Variants in THADA observed in about 807,000 individuals in gnomAD.
THADA encodes the protein THADA armadillo repeat containing.
In THADA, 213 loss-of-function variants were observed where a neutral mutation model predicts 219.8. The observed-to-expected ratio is 0.97, with a 90% confidence interval of 0.87 to 1.09. The LOEUF (loss-of-function observed/expected upper bound fraction) is 1.09. THADA is among the 50% of genes least tolerant of loss of function. The probability of loss-of-function intolerance (pLI) is 0.00; values close to 1 mark genes in which losing one functional copy is unlikely to be tolerated. For synonymous variants in THADA, 1,018 were observed against 828.9 expected (o/e 1.23, Z -3.92); for missense variants, 2,956 against 2,311.3 (o/e 1.28, Z -5.72).
At chr2:43,432,268 G>A (rs185435835) in intron 26 of THADA, among the ~76,000 whole-genome samples, 7 of 152,296 alleles carry the variant, frequency 4.6e-5, no homozygotes, top group African/African-American at 7.2e-5. Context: ...GGGATTACAG[G>A]CGTGAGCCAC....
In THADA at chr2:43,325,677, G is replaced by C. The variant is rs527734012; in HGVS notation, c.4344-5137C>G. On this transcript the variant is annotated intron_variant, in intron 30 of 37. Transcript: ENST00000405975. ...AATATAATCAGAGTGTATCAAAGTA[G>C]TGTAGTAAGGACAGAGGGCAGGAGA... Among the ~76,000 whole-genome samples the C allele has an allele frequency of 5.1e-4, 78 of 152,188 alleles. 1 individual carries two copies. Among genetic ancestry groups the C allele is most frequent in the African/African-American group, 1.6e-3 (65 of 41,530 alleles).
intron 29 of THADA, among the ~76,000 whole-genome samples, chr2:43,358,832 AT>A (rs549875863): frequency 2.6e-5 from 4 of 152,250 alleles, no homozygotes; most frequent in South Asian, 2.1e-4. Context: ...TAAAGATGGA[AT>A]TTTTTTCCCC....
chr2:43,336,495 C>T (rs1002645007), intron 30 of THADA, among the ~76,000 whole-genome samples: 2 of 152,060 alleles, frequency 1.3e-5, no homozygotes, highest in Admixed American at 6.5e-5. Context: ...TGGTCTTGAA[C>T]TCCTGACCTC....
chr2:43,400,484 T>TATATATATATATATATATATATATATAC (rs1553427596), intron 28 of THADA, among the ~76,000 whole-genome samples: 3 of 145,924 alleles, frequency 2.1e-5, no homozygotes, highest in Non-Finnish European at 3.0e-5. Flanking sequence ...TATAAATATA[T>TATATATATATATATATATATATATATAC]ACACTAAGAA....
At chr2:43,408,525 CTT>C (rs1675878298) in intron 28 of THADA, 1 of 152,174 alleles carries the variant, frequency 6.6e-6, no homozygotes, top group Non-Finnish European at 1.5e-5. Flanking sequence ...CTTTAAGTGA[CTT>C]TTTTGGTGAA....
intron 29 of THADA, among the ~76,000 whole-genome samples, chr2:43,346,648 G>A (rs1326106201): frequency 1.3e-5 from 2 of 152,150 alleles, no homozygotes; most frequent in Non-Finnish European, 2.9e-5. Context: ...CATTTTATGT[G>A]TCCTAAATTG....
At chr2:43,578,446 C>G in intron 9 of THADA, 67 bp downstream of exon 9, 1 of 1,364,106 alleles carries the variant, frequency 7.3e-7, no homozygotes, top group Non-Finnish European at 1.0e-6. Context: ...TGCACCAAGC[C>G]AAAATTATTT....
At chr2:43,497,252 C>T (rs1688378998) in intron 25 of THADA, among the ~76,000 whole-genome samples, 1 of 152,178 alleles carries the variant, frequency 6.6e-6, no homozygotes, top group East Asian at 1.9e-4. Context: ...TTTATTGCAG[C>T]ACTATTTACA....
chr2:43,248,216 CAG>C (rs1265680923), intron 36 of THADA, among the ~76,000 whole-genome samples: 2 of 83,234 alleles, frequency 2.4e-5, no homozygotes, highest in African/African-American at 5.2e-5. Context: ...GAGAGAGAGA[CAG>C]AGAGAGAGAG....
chr2:43,404,699 T>C lies in THADA; in HGVS notation c.4059-6560A>G, dbSNP rs144864632. Among the ~76,000 whole-genome samples, 573 of 152,310 alleles carry C rather than the reference T, an allele frequency of 3.8e-3. 6 individuals are homozygous for C. Among genetic ancestry groups the C allele is most frequent in the African/African-American group, 0.013 (533 of 41,582 alleles). On this transcript the variant is annotated intron_variant, in intron 28 of 37. Transcript: ENST00000405975. ...ATTGAGAACAGAAACAGGGTCTTCA[T>C]AGTTCTTTATCACAGAGCGCATAGG...
chr2:43,407,746 C>CAATGTGCT (rs1558712584), intron 28 of THADA, among the ~76,000 whole-genome samples: 1 of 151,410 alleles, frequency 6.6e-6, no homozygotes, highest in Non-Finnish European at 1.5e-5. Context: ...TGCTAGATGC[C>CAATGTGCT]AGGTACTTTA....
At chr2:43,537,250 A>G (rs1694725877) in intron 21 of THADA, among the ~76,000 whole-genome samples, 1 of 152,244 alleles carries the variant, frequency 6.6e-6, no homozygotes, top group Admixed American at 6.5e-5. Flanking sequence ...ATTCTTAACC[A>G]TGGGCAATAT....
At chr2:43,556,266 T>C in intron 17 of THADA, 79 bp downstream of exon 17, 1 of 1,557,310 alleles carries the variant, frequency 6.4e-7, no homozygotes, top group Non-Finnish European at 8.7e-7. Flanking sequence ...AAAATATATG[T>C]TTAACCATTA....
At chr2:43,496,315 T>C (rs945074834) in intron 25 of THADA, among the ~76,000 whole-genome samples, 1 of 152,146 alleles carries the variant, frequency 6.6e-6, no homozygotes, top group Non-Finnish European at 1.5e-5. Context: ...ACACGAAAAA[T>C]TACTTTCTTA....
intron 26 of THADA, among the ~76,000 whole-genome samples, chr2:43,431,396 G>A (rs1353679277): frequency 6.6e-6 from 1 of 152,036 alleles, no homozygotes; most frequent in East Asian, 1.9e-4. Flanking sequence ...AGGAACCTCT[G>A]ATTTGATTTC....
rs531921788 is a variant in THADA, at chr2:43,379,544, A to G, written c.4227+18427T>C. On this transcript the variant is annotated intron_variant, in intron 29 of 37. Transcript: ENST00000405975. Reference sequence around the variant, plus strand: ...ACAGCTAAAACCCAACAAGCTGGTGACTCCAAGTGCTGACAAGGACTGAGA... The same window carrying G: ...ACAGCTAAAACCCAACAAGCTGGTGGCTCCAAGTGCTGACAAGGACTGAGA... 1.1e-3 allele frequency among the ~76,000 whole-genome samples: 174 copies of G among 152,312 alleles called. 1 individual carries two copies. The highest frequency in any genetic ancestry group is 4.0e-3 in the African/African-American group (168 of 41,572).
chr2:43,259,033 AAC>A (rs1342358488), intron 36 of THADA, among the ~76,000 whole-genome samples: 3 of 152,224 alleles, frequency 2.0e-5, no homozygotes, highest in East Asian at 3.9e-4. Flanking sequence ...GCCAAAATGA[AAC>A]ACAGTCTGTA....
intron 26 of THADA, among the ~76,000 whole-genome samples, chr2:43,438,977 T>C (rs1163752900): frequency 6.6e-6 from 1 of 152,232 alleles, no homozygotes; most frequent in African/African-American, 2.4e-5. Flanking sequence ...GATGTGAGAT[T>C]TTATCATGTG....
intron 35 of THADA, among the ~76,000 whole-genome samples, chr2:43,280,882 G>T (rs1356761479): frequency 6.6e-6 from 1 of 152,226 alleles, no homozygotes; most frequent in Non-Finnish European, 1.5e-5. Flanking sequence ...GAGTTGTGAA[G>T]AACAAAATTG....
Sources: allele counts gnomAD v4.1 joint callset (sites outside exome capture counted in the v4.1 genomes callset), GRCh38; gene constraint gnomAD v4.1.1; transcripts MANE v1.5; gene names NCBI Gene and HGNC (gene_info 2026-07-23, HGNC 2026-07-21).